The following PSTPIP2 variants were observed in gnomAD, a reference collection of about 807,000 sequenced individuals.
The protein encoded by PSTPIP2 is proline-serine-threonine phosphatase interacting protein 2.
A neutral mutation model predicts 63.3 loss-of-function variants in PSTPIP2; 33 were observed. The ratio of observed to expected loss-of-function variants is 0.52; its 90% CI spans 0.40 to 0.70. The LOEUF is 0.70. PSTPIP2 is among the 30% of genes least tolerant of loss of function. The pLI, the probability that PSTPIP2 is intolerant of heterozygous loss-of-function variation, is 0.00. For missense variants in PSTPIP2, 312 were observed against 400.7 expected (o/e 0.78, Z 1.89); for synonymous variants, 125 against 132.7 (o/e 0.94, Z 0.40).
In PSTPIP2 at chr18:46,053,769, A is replaced by G. The variant is rs112025766; in HGVS notation, c.34-13722T>C. On this transcript the variant is annotated intron_variant, in intron 1 of 14. Coordinates refer to ENST00000409746, the MANE Select transcript of PSTPIP2 (RefSeq NM_024430.4). ...ATAAACTGCTACATCCATACAATGGAACATTAATCAATGATAAGAAGAAAT... is the reference window on the plus strand; with the variant it reads ...ATAAACTGCTACATCCATACAATGGGACATTAATCAATGATAAGAAGAAAT... Among the ~76,000 whole-genome samples, 869 of 152,344 alleles carry G rather than the reference A, an allele frequency of 5.7e-3. 16 individuals carry two copies. Among genetic ancestry groups the G allele is most frequent in the Admixed American group, 0.032 (490 of 15,298 alleles).
chr18:45,989,546 A>G (rs2051501936), intron 13 of PSTPIP2: 4 of 153,178 alleles, frequency 2.6e-5, no homozygotes, highest in Admixed American at 6.5e-5. Context: ...AGACTAGTAC[A>G]CTCATTCTCT....
intron 1 of PSTPIP2, among the ~76,000 whole-genome samples, chr18:46,057,861 G>A (rs1908822329): frequency 6.6e-6 from 1 of 151,768 alleles, no homozygotes; most frequent in African/African-American, 2.4e-5. Flanking sequence ...AGCCGGGCGT[G>A]GTGGCGGGCG....
At chr18:46,015,150 G>A (rs1023175790) in intron 4 of PSTPIP2, among the ~76,000 whole-genome samples, 12 of 152,180 alleles carry the variant, frequency 7.9e-5, no homozygotes, top group African/African-American at 2.9e-4. Flanking sequence ...GTGACCCAAA[G>A]GGCTGGTGTC....
intron 4 of PSTPIP2, among the ~76,000 whole-genome samples, chr18:46,013,417 G>C (rs1247158736): frequency 6.6e-6 from 1 of 152,112 alleles, no homozygotes; most frequent in East Asian, 1.9e-4. Flanking sequence ...AAAATCCTTA[G>C]CTTGGAAGGG....
chr18:46,047,218 C>T (rs1290313352), intron 1 of PSTPIP2, among the ~76,000 whole-genome samples: 1 of 152,122 alleles, frequency 6.6e-6, no homozygotes, highest in African/African-American at 2.4e-5. Flanking sequence ...ACTTACCACT[C>T]TATGAGGTAC....
chr18:46,058,725 G>A lies in PSTPIP2; in HGVS notation c.33+13431C>T, dbSNP rs113828822. ...TAAATAGCTCATGGAATCCATAGGC[G>A]GTTCTCTCTGCTTAAAGGCAGGGGT... On this transcript the variant is annotated intron_variant, in intron 1 of 14. Coordinates refer to ENST00000409746, the MANE Select transcript of PSTPIP2 (RefSeq NM_024430.4). 1.4e-4 allele frequency among the ~76,000 whole-genome samples: 22 copies of A among 152,286 alleles called. 2 individuals are homozygous for A. Among genetic ancestry groups the A allele is most frequent in the Admixed American group, 7.8e-4 (12 of 15,290 alleles).
At chr18:46,008,194 G>C (rs1353450856) in intron 5 of PSTPIP2, among the ~76,000 whole-genome samples, 2 of 152,230 alleles carry the variant, frequency 1.3e-5, no homozygotes, top group Non-Finnish European at 2.9e-5. Context: ...GGAAAGGCAA[G>C]AGAGGGAGAA....
chr18:45,988,552 G>A lies in PSTPIP2; in HGVS notation c.*8+150C>T, dbSNP rs144336492. The A allele has an allele frequency of 7.7e-4, 492 of 641,698 alleles. 7 individuals carry two copies. In the East Asian group the frequency reaches 0.012, roughly 16 times the overall value. The allele number at this position is 641,698 out of a possible 1,614,324, so 39.8% of individuals were successfully genotyped here. On this transcript the variant is annotated intron_variant, in intron 14 of 14. Transcript: ENST00000409746. ...TTCCAGCTGTGGGATCCACAGAGGT[G>A]TCCTGAAGGGACAGCATGCTGGCCA... is the stretch of plus-strand genomic sequence containing the variant.
chr18:46,040,223 G>A, intron 1 of PSTPIP2, 176 bp from the exon 2 acceptor site: 1 of 482,274 alleles, frequency 2.1e-6, no homozygotes, highest in Non-Finnish European at 3.7e-6. Context: ...CCCTGGAGAT[G>A]AAAGAACATG....
intron 4 of PSTPIP2, among the ~76,000 whole-genome samples, chr18:46,013,534 C>A (rs913823831): frequency 5.3e-5 from 8 of 151,946 alleles, no homozygotes; most frequent in Non-Finnish European, 1.2e-4. Context: ...GCCAGTGCCT[C>A]ACCCTGGATC....
Position 46,019,949 on chromosome 18 carries a change from T to C in PSTPIP2, c.213-4012A>G, listed in dbSNP as rs532642871. Among the ~76,000 whole-genome samples the C allele has an allele frequency of 2.0e-5, 3 of 152,306 alleles. No individual in the cohort carries two copies. The East Asian group carries it at 5.8e-4, about 29-fold the overall frequency. On this transcript the variant is annotated intron_variant, in intron 3 of 14. Coordinates refer to ENST00000409746, the MANE Select transcript of PSTPIP2 (RefSeq NM_024430.4). The stretch of plus-strand genomic sequence containing the variant: ...GTATGATAGGAGATACAACTGGAAT[T>C]CTCTCCCTATAGTGAGTCATAGATT...
intron 5 of PSTPIP2, among the ~76,000 whole-genome samples, chr18:46,008,068 G>A (rs1473293522): frequency 2.0e-5 from 3 of 152,336 alleles, no homozygotes; most frequent in African/African-American, 7.2e-5. Flanking sequence ...TCAGGGCAGT[G>A]TCTCTTCTGA....
At position 45,983,632 on chromosome 18, in the gene PSTPIP2, A is replaced by G. The variant is rs900061196; in HGVS notation, c.*1827T>C. ...CACAAAACGGTTTTACATCAACTAC[A>G]CTGACCAATACAGAGAAAAGGGAAA... On this transcript the variant is annotated 3_prime_UTR_variant, in exon 15 of 15. Transcript: ENST00000409746. The G allele has an allele frequency of 6.6e-6, 1 of 152,218 alleles. No homozygotes were observed. Among genetic ancestry groups the G allele is most frequent in the Non-Finnish European group, 1.5e-5 (1 of 68,036 alleles). 9.4% of individuals were successfully genotyped at this position (152,218 alleles called of 1,614,324 possible). A position where few individuals can be genotyped will look rare whatever the true frequency, so the allele number is the denominator to read the frequency against.
rs1360749337 is a variant in PSTPIP2 at position 45,988,756 on chromosome 18, T to A, written c.959A>T (p.Asp320Val). ...GTCATCAACCAAAGAGTAATTGGGA[T>A]CATCTGCAAAAGGCAGAACACAGAA... is the stretch of plus-strand genomic sequence containing the variant. Reference protein sequence around the residue: ...PLPIPKSSPDDPNYSLVDDYS... With the variant: ...PLPIPKSSPDVPNYSLVDDYS... Residue 320 changes from aspartate (D) to valine (V), a missense_variant, in exon 14 of 15, where the codon GAT (aspartate) becomes GTT (valine). Asp to Val is a radical substitution (Grantham distance 152, BLOSUM62 -3). Coordinates refer to ENST00000409746, the MANE Select transcript of PSTPIP2 (RefSeq NM_024430.4). 6.4e-7 allele frequency: 1 copy of A among 1,561,456 alleles called. No individual in the cohort carries two copies. Among genetic ancestry groups the A allele is most frequent in the Non-Finnish European group, 8.8e-7 (1 of 1,132,532 alleles).
chr18:46,071,017 C>T (rs541812595), intron 1 of PSTPIP2, among the ~76,000 whole-genome samples: 6 of 152,296 alleles, frequency 3.9e-5, no homozygotes, highest in Admixed American at 3.3e-4. Context: ...CCGTGAGAGC[C>T]ATCTGTGGTG....
intron 3 of PSTPIP2, among the ~76,000 whole-genome samples, chr18:46,024,121 A>G (rs1907487814): frequency 6.6e-6 from 1 of 151,922 alleles, no homozygotes; most frequent in Admixed American, 6.6e-5. Flanking sequence ...TGACTTGGAC[A>G]GCTGAGATGC....
chr18:45,999,631 C>T, intron 6 of PSTPIP2, 97 bp from the exon 7 acceptor site: 1 of 1,218,330 alleles, frequency 8.2e-7, no homozygotes, highest in Non-Finnish European at 1.2e-6. Flanking sequence ...TGGACAGGGC[C>T]GTCTGATTAG....
intron 1 of PSTPIP2, among the ~76,000 whole-genome samples, chr18:46,070,506 G>GGTTT (rs1218284658): frequency 2.0e-5 from 3 of 152,124 alleles, no homozygotes; most frequent in African/African-American, 7.2e-5. Flanking sequence ...TGTTTGGTTG[G>GGTTT]GTTTGTTTGT....
intron 10 of PSTPIP2, among the ~76,000 whole-genome samples, 178 bp from the exon 11 acceptor site, chr18:45,992,380 G>A (rs1022310008): frequency 4.6e-5 from 7 of 151,792 alleles, no homozygotes; most frequent in Non-Finnish European, 5.9e-5. Flanking sequence ...GGCCAACATA[G>A]TGAAACCCCA....
Sources: allele counts gnomAD v4.1 joint callset (sites outside exome capture counted in the v4.1 genomes callset), GRCh38; gene constraint gnomAD v4.1.1; transcripts MANE v1.5; gene names NCBI Gene and HGNC (gene_info 2026-07-23, HGNC 2026-07-21).